TENM3: variants seen among roughly 807,000 people sequenced by gnomAD.
TENM3 encodes teneurin transmembrane protein 3, also known as teneurin-3.
Under a neutral mutation model 255.1 loss-of-function variants are expected in TENM3, and 63 were observed. That is an observed-to-expected ratio of 0.25 (90% CI 0.20 to 0.30). The LOEUF (loss-of-function observed/expected upper bound fraction) is 0.30, where lower values mean the gene tolerates loss of function less well. Ranked by LOEUF, TENM3 falls within the 10% of genes least tolerant of loss-of-function variation. TENM3 has a pLI of 1.00. For missense variants in TENM3, 2,929 were observed against 3,461.1 expected, an observed-to-expected ratio of 0.85 and a Z score of 3.86; for synonymous variants, 1,306 against 1,322.3, an observed-to-expected ratio of 0.99 and a Z score of 0.27.
chr4:182,710,248 C>T (rs78651501), intron 12 of TENM3, among the ~76,000 whole-genome samples: 2,271 of 152,240 alleles, frequency 0.015, 70 homozygotes, highest in South Asian at 0.13. Context: ...TTCGATGGCA[C>T]TTTCTTTATG....
intron 12 of TENM3, among the ~76,000 whole-genome samples, chr4:182,713,379 T>C (rs1758903482): frequency 6.6e-6 from 1 of 152,214 alleles, no homozygotes; most frequent in Non-Finnish European, 1.5e-5. Context: ...TCCTGTCCCA[T>C]CCGTATGCAG....
chr4:182,117,190 T>C, the TENM3 span, among the ~76,000 whole-genome samples: 1 of 152,244 alleles, frequency 6.6e-6, no homozygotes, highest in African/African-American at 2.4e-5. Flanking sequence ...ATAACAGTTC[T>C]TCATCAGCTG....
the TENM3 span, among the ~76,000 whole-genome samples, chr4:181,606,933 C>T: frequency 1.3e-5 from 2 of 152,270 alleles, no homozygotes; most frequent in African/African-American, 2.4e-5. Context: ...ACTTACACCG[C>T]TTGGCTGAGA....
At chr4:182,300,394 T>A (rs1360887840) in intron 1 of TENM3, among the ~76,000 whole-genome samples, 1 of 152,218 alleles carries the variant, frequency 6.6e-6, no homozygotes, top group Non-Finnish European at 1.5e-5. Flanking sequence ...TTACCTTGAC[T>A]TGTTCTTTTC....
the TENM3 span, among the ~76,000 whole-genome samples, chr4:181,520,901 A>G: frequency 1.3e-5 from 2 of 152,302 alleles, no homozygotes; most frequent in Non-Finnish European, 2.9e-5. Context: ...TAAATCATCA[A>G]TCATCATTAA....
chr4:182,386,859 C>G (rs186116939), intron 3 of TENM3, among the ~76,000 whole-genome samples: 2 of 152,228 alleles, frequency 1.3e-5, no homozygotes, highest in African/African-American at 4.8e-5. Context: ...CTGTGCAGCC[C>G]GAGCCTCCCC....
the TENM3 span, among the ~76,000 whole-genome samples, chr4:181,642,716 T>G: frequency 6.6e-6 from 1 of 152,224 alleles, no homozygotes; most frequent in South Asian, 2.1e-4. Context: ...TTCAGTTGTC[T>G]GCATATGGCT....
At chr4:182,666,306 G>A (rs1295075854) in intron 6 of TENM3, among the ~76,000 whole-genome samples, 3 of 152,124 alleles carry the variant, frequency 2.0e-5, no homozygotes, top group African/African-American at 7.2e-5. Flanking sequence ...GGTTTGAGAG[G>A]GTTGACTCCG....
At chr4:182,794,029 T>C (rs1766308268) in intron 26 of TENM3, 144 bp downstream of exon 26, 2 of 724,242 alleles carry the variant, frequency 2.8e-6, no homozygotes, top group African/African-American at 3.6e-5. Context: ...TGTTTATTTC[T>C]TTATGGAACC....
chr4:181,805,407 A>C, the TENM3 span, among the ~76,000 whole-genome samples: 3 of 152,038 alleles, frequency 2.0e-5, no homozygotes. Context: ...TGTAGTTCCC[A>C]GTCTCTCTAG....
the TENM3 span, among the ~76,000 whole-genome samples, chr4:181,899,880 A>T: frequency 6.6e-6 from 1 of 152,070 alleles, no homozygotes; most frequent in Non-Finnish European, 1.5e-5. Flanking sequence ...CAGTATTTTT[A>T]TCAACTACCC....
chr4:182,440,930 G>A (rs1281242295), intron 3 of TENM3, among the ~76,000 whole-genome samples: 1 of 151,882 alleles, frequency 6.6e-6, no homozygotes, highest in African/African-American at 2.4e-5. Context: ...CCATCACCCA[G>A]GTATTAAGCC....
intron 3 of TENM3, among the ~76,000 whole-genome samples, chr4:182,551,949 T>C (rs570173424): frequency 6.6e-6 from 1 of 151,186 alleles, no homozygotes; most frequent in Non-Finnish European, 1.5e-5. Context: ...GCCTGGGAGG[T>C]TGAGGCTGCA....
At chr4:181,528,017 G>A in the TENM3 span, among the ~76,000 whole-genome samples, 526 of 151,996 alleles carry the variant, frequency 3.5e-3, 5 homozygotes, top group African/African-American at 0.012. Context: ...TTTTAAAAGG[G>A]GGGGTTAAAG....
intron 1 of TENM3, among the ~76,000 whole-genome samples, chr4:182,150,850 C>T (rs1176254890): frequency 6.6e-6 from 1 of 152,058 alleles, no homozygotes; most frequent in Non-Finnish European, 1.5e-5. Flanking sequence ...CAGTCCGATT[C>T]CGTAGCACCT....
chr4:182,249,439 A>G (rs552838049), intron 1 of TENM3, among the ~76,000 whole-genome samples: 3 of 152,218 alleles, frequency 2.0e-5, no homozygotes, highest in Non-Finnish European at 4.4e-5. Context: ...GCTGTACTCC[A>G]TGCTGTTTTC....
At chr4:182,355,807 T>G (rs1371115427) in intron 3 of TENM3, among the ~76,000 whole-genome samples, 3 of 151,910 alleles carry the variant, frequency 2.0e-5, no homozygotes, top group Non-Finnish European at 4.4e-5. Context: ...AAAGTTAAAG[T>G]ATTTTGTCTA....
rs1762795895 is a variant in TENM3, at chr4:182,317,139, CT to C, written c.-75-6804del. 2.0e-5 allele frequency among the ~76,000 whole-genome samples: 3 copies of C among 152,326 alleles called. No homozygotes were observed. The South Asian group carries it at 6.2e-4, about 32-fold the overall frequency. ...ATTTATTATTGCTGTCAAAAGTTCT[CT>C]TTGTTTACTGTCATGTGTAAAGAAA... On this transcript the variant is annotated intron_variant, in intron 1 of 27. Coordinates refer to ENST00000511685, the MANE Select transcript of TENM3 (RefSeq NM_001080477.4).
chr4:181,454,853 G>A, the TENM3 span, among the ~76,000 whole-genome samples: 16 of 151,842 alleles, frequency 1.1e-4, no homozygotes, highest in South Asian at 6.2e-4. Context: ...ACCTACTTTT[G>A]TATGGTTAGA....
Sources: gnomAD v4.1 joint callset for allele counts (sites outside exome capture counted in the v4.1 genomes callset) on GRCh38, gnomAD v4.1.1 for gene constraint, MANE v1.5 for transcripts, NCBI Gene and HGNC (gene_info 2026-07-23, HGNC 2026-07-21) for gene names.